SMARCAD1: variants seen among roughly 807,000 people sequenced by gnomAD.
SMARCAD1 encodes the protein SNF2 related chromatin remodeling ATPase with DExD box 1.
A neutral mutation model predicts 127.1 loss-of-function variants in SMARCAD1; 25 were observed. That is an observed-to-expected ratio of 0.20 (90% CI 0.14 to 0.27). The LOEUF is 0.27. SMARCAD1 is among the 10% of genes least tolerant of loss of function. The pLI, the probability that SMARCAD1 is intolerant of heterozygous loss-of-function variation, is 1.00. For missense variants in SMARCAD1, 807 were observed against 1,206.0 expected (o/e 0.67, Z 4.90); for synonymous variants, 400 against 396.9 (o/e 1.01, Z -0.09).
At chr4:94,276,206 G>C (rs1384003992) in intron 14 of SMARCAD1, 133 bp from the exon 15 acceptor site, 6 of 837,252 alleles carry the variant, frequency 7.2e-6, no homozygotes, top group Non-Finnish European at 1.2e-5. Context: ...TATCACCCGT[G>C]TCTAGTGCTG....
At chr4:94,288,089 C>CT (rs1389156897) in intron 23 of SMARCAD1, among the ~76,000 whole-genome samples, 2 of 151,930 alleles carry the variant, frequency 1.3e-5, no homozygotes, top group Non-Finnish European at 2.9e-5. Context: ...TTTTCTACTT[C>CT]TTTTTTCCCA....
rs1741469736 is a variant in SMARCAD1, at chr4:94,207,987, C to T, written c.-133C>T. 2.6e-6 allele frequency: 1 copy of T among 384,462 alleles called. No individual in the cohort carries two copies. The highest frequency in any genetic ancestry group is 5.1e-6 in the Non-Finnish European group (1 of 195,670). 23.8% of individuals were successfully genotyped at this position (384,462 alleles called of 1,614,324 possible). On this transcript the variant is annotated 5_prime_UTR_variant, in exon 1 of 24. It adds an upstream start codon to the 5' untranslated region. Coordinates refer to ENST00000354268, the MANE Select transcript of SMARCAD1 (RefSeq NM_020159.5). ...AGGTCCTTTCTCGAGGCAGGGGGCA[C>T]GGTAGCACAGGGAGCTTCTCTTTGT...
At chr4:94,280,120 T>C (rs181567145) in intron 19 of SMARCAD1, among the ~76,000 whole-genome samples, 62 of 152,244 alleles carry the variant, frequency 4.1e-4, no homozygotes, top group African/African-American at 1.2e-3. Flanking sequence ...CCACCTCGGC[T>C]TCCCAAAGTG....
rs755123865 is a variant in SMARCAD1, at chr4:94,236,935, T to C, written c.538-17T>C. 6.2e-7 allele frequency: 1 copy of C among 1,604,038 alleles called. No individual in the cohort carries two copies. Among genetic ancestry groups the C allele is most frequent in the Admixed American group, 1.7e-5 (1 of 59,972 alleles). ...AAAGTGCTGATTTAAAACATTAATC[T>C]TTTCTCGTTCTGTTAGTTGATTGAA... On this transcript the variant is annotated splice_polypyrimidine_tract_variant and intron_variant, in intron 4 of 23. Coordinates refer to ENST00000354268, the MANE Select transcript of SMARCAD1 (RefSeq NM_020159.5).
At chr4:94,249,826 TCAAC>T (rs1356188704) in intron 7 of SMARCAD1, 71 bp downstream of exon 7, 3 of 878,712 alleles carry the variant, frequency 3.4e-6, no homozygotes, top group East Asian at 2.4e-5. Flanking sequence ...TGTTAAGAGT[TCAAC>T]CACATAAAAG....
chr4:94,237,215 A>G (rs1746799587), intron 5 of SMARCAD1, among the ~76,000 whole-genome samples, 197 bp downstream of exon 5: 1 of 152,120 alleles, frequency 6.6e-6, no homozygotes, highest in African/African-American at 2.4e-5. Context: ...CTTTTCTACC[A>G]ATCAAATCTT....
rs113288196 is a variant in SMARCAD1 at position 94,283,004 on chromosome 4, A to T, written c.2727-117A>T. 4.9e-6 allele frequency: 4 copies of T among 819,506 alleles called. No homozygotes were observed. In the Admixed American group the frequency reaches 9.0e-5, roughly 18 times the overall value. The allele number at this position is 819,506 out of a possible 1,614,324, so 50.8% of individuals were successfully genotyped here. A position where few individuals can be genotyped will look rare whatever the true frequency, so the allele number is the denominator to read the frequency against. On this transcript the variant is annotated intron_variant, in intron 21 of 23. Coordinates refer to ENST00000354268, the MANE Select transcript of SMARCAD1 (RefSeq NM_020159.5). ...TAGCCAGAGGAGAAATAACTGCAAT[A>T]CTAAGAGATGTACATACATCTTCAG...
intron 22 of SMARCAD1, among the ~76,000 whole-genome samples, chr4:94,283,669 C>G (rs1754425481): frequency 6.6e-6 from 1 of 151,878 alleles, no homozygotes; most frequent in Non-Finnish European, 1.5e-5. Flanking sequence ...ATTAAAAATA[C>G]AAAAAATTAG....
chr4:94,290,356 T>C lies in SMARCAD1; in HGVS notation c.*822T>C. 2.2e-6 allele frequency: 1 copy of C among 454,492 alleles called. No homozygotes were observed. The highest frequency in any genetic ancestry group is 4.4e-6 in the Non-Finnish European group (1 of 226,762). 28.2% of individuals were successfully genotyped at this position (454,492 alleles called of 1,614,324 possible). A position where few individuals can be genotyped will look rare whatever the true frequency, so the allele number is the denominator to read the frequency against. Reference sequence around the variant, plus strand: ...CCAGTCACTTCTGCTCCAATTCTCTTCCTCTCTAAATAGTAGTTTATTACT... The same window carrying C: ...CCAGTCACTTCTGCTCCAATTCTCTCCCTCTCTAAATAGTAGTTTATTACT... On this transcript the variant is annotated 3_prime_UTR_variant, in exon 24 of 24. Coordinates refer to ENST00000354268, the MANE Select transcript of SMARCAD1 (RefSeq NM_020159.5).
At chr4:94,208,117 G>T (rs1741517509) in intron 1 of SMARCAD1, 47 bp downstream of exon 1, 1 of 568,748 alleles carries the variant, frequency 1.8e-6, no homozygotes, top group Non-Finnish European at 3.3e-6. Context: ...CAGTAAGGAG[G>T]GGCGGGCGGG....
chr4:94,213,805 G>T (rs1742684971), intron 2 of SMARCAD1, among the ~76,000 whole-genome samples: 1 of 152,116 alleles, frequency 6.6e-6, no homozygotes, highest in African/African-American at 2.4e-5. Flanking sequence ...AAATTATGTT[G>T]TGTTTGCATT....
Position 94,285,058 on chromosome 4 carries a change from C to T in SMARCAD1, c.3008C>T (p.Thr1003Ile), listed in dbSNP as rs1374173184. ...QKLKLEQDMT[T>I]VDEGDEGSMP... ...TTGAAACTAGAACAGGATATGACTA[C>T]AGTAGATGAAGGTGAGTTGTTTGTA... The change falls in exon 23 of 24, where the codon ACA becomes ATA. Residue 1003 changes from threonine to isoleucine, a missense_variant. Thr to Ile is a moderately conservative substitution (Grantham distance 89, BLOSUM62 -1). Coordinates refer to ENST00000354268, the MANE Select transcript of SMARCAD1 (RefSeq NM_020159.5). 1 of 1,603,752 alleles carries T rather than the reference C, an allele frequency of 6.2e-7. No individual in the cohort carries two copies. The highest frequency in any genetic ancestry group is 1.7e-5 in the Admixed American group (1 of 59,908).
chr4:94,270,670 T>G, intron 10 of SMARCAD1, 58 bp from the exon 11 acceptor site: 1 of 1,455,544 alleles, frequency 6.9e-7, no homozygotes, highest in Non-Finnish European at 9.6e-7. Context: ...TTGTAATAAC[T>G]AATAGAAAAC....
rs1352983240 is a variant in SMARCAD1, at chr4:94,252,647, A to G, written c.921A>G (p.Pro307=). Residue 307 remains proline, a synonymous_variant, in exon 9 of 24, where the codon CCA becomes CCG. Coordinates refer to ENST00000354268, the MANE Select transcript of SMARCAD1 (RefSeq NM_020159.5). ...DMQYVSQSEV[P]NGKEVSSRSQ... is the part of the protein sequence containing the mutation. ...AATATGTATCACAAAGTGAGGTTCC[A>G]AATGGAAAAGAAGTTTCTTCAAGAA... is the stretch of plus-strand genomic sequence containing the variant. The G allele has an allele frequency of 2.5e-6, 4 of 1,573,904 alleles. No individual in the cohort carries two copies. The Admixed American group carries it at 7.8e-5, about 31-fold the overall frequency.
intron 10 of SMARCAD1, among the ~76,000 whole-genome samples, chr4:94,267,889 T>C (rs968154560): frequency 1.3e-5 from 2 of 152,090 alleles, no homozygotes; most frequent in Non-Finnish European, 2.9e-5. Flanking sequence ...TCAAAATAGA[T>C]GGGAAATATG....
At chr4:94,283,457 A>G (rs1462316003) in intron 22 of SMARCAD1, among the ~76,000 whole-genome samples, 154 bp downstream of exon 22, 1 of 152,200 alleles carries the variant, frequency 6.6e-6, no homozygotes, top group Non-Finnish European at 1.5e-5. Flanking sequence ...TTGAACATCA[A>G]CTGCACTACG....
intron 14 of SMARCAD1, 28 bp from the exon 15 acceptor site, chr4:94,276,311 T>G: frequency 6.2e-7 from 1 of 1,613,500 alleles, no homozygotes; most frequent in Non-Finnish European, 8.5e-7. Flanking sequence ...AGGTATAACC[T>G]TAGAGATGTT....
intron 9 of SMARCAD1, among the ~76,000 whole-genome samples, chr4:94,255,895 C>T (rs1331826727): frequency 2.0e-5 from 3 of 151,904 alleles, no homozygotes; most frequent in African/African-American, 7.3e-5. Context: ...AATGTAGGTG[C>T]CTATTGTGAG....
chr4:94,271,295 T>C (rs905136617), intron 11 of SMARCAD1, among the ~76,000 whole-genome samples: 3 of 152,200 alleles, frequency 2.0e-5, no homozygotes, highest in African/African-American at 7.2e-5. Flanking sequence ...ATTTCAGCTA[T>C]TTTATTTTTA....
Sources: allele counts gnomAD v4.1 joint callset (sites outside exome capture counted in the v4.1 genomes callset), GRCh38; gene constraint gnomAD v4.1.1; transcripts MANE v1.5; gene names NCBI Gene and HGNC (gene_info 2026-07-23, HGNC 2026-07-21).